Variants in OSBPL10 observed in about 807,000 individuals in gnomAD.
OSBPL10 encodes oxysterol-binding protein-related protein 10.
OSBPL10 carries 49 observed loss-of-function variants against 81.7 expected under a neutral mutation model. The observed-to-expected ratio is 0.60, with a 90% confidence interval of 0.48 to 0.76. The LOEUF is 0.76. Among genes scored for constraint, OSBPL10 ranks in the 30% least tolerant of loss-of-function variants. OSBPL10 has a pLI of 0.00. For missense variants in OSBPL10, 923 were observed against 987.8 expected, an observed-to-expected ratio of 0.93 and a Z score of 0.88; for synonymous variants, 419 against 383.6, an observed-to-expected ratio of 1.09 and a Z score of -1.08.
rs1428964193 is a variant in OSBPL10 at position 31,912,613 on chromosome 3, A to C, written c.282-32783T>G. Among the ~76,000 whole-genome samples the C allele has an allele frequency of 3.3e-5, 5 of 152,148 alleles. No individual in the cohort carries two copies. In the East Asian group the frequency reaches 9.6e-4, roughly 29 times the overall value. ...ACTTCATCATCAACATTTCCTCTTG[A>C]AGCCTTGAAGTATTTTGAGCATGTC... On this transcript the variant is annotated intron_variant, in intron 1 of 11. Transcript: ENST00000396556.
chr3:31,846,985 T>C (rs915626697), intron 3 of OSBPL10, among the ~76,000 whole-genome samples: 7 of 152,164 alleles, frequency 4.6e-5, no homozygotes, highest in Non-Finnish European at 7.3e-5. Context: ...TTTGTGTGTC[T>C]TCAATTGTCA....
chr3:32,043,289 G>A (rs1007383805), intron 2 of OSBPL10, among the ~76,000 whole-genome samples: 2 of 152,164 alleles, frequency 1.3e-5, no homozygotes, highest in African/African-American at 2.4e-5. Context: ...AAATATGGCT[G>A]TATTTTGCCC....
intron 4 of OSBPL10, among the ~76,000 whole-genome samples, chr3:31,774,927 G>A (rs939545912): frequency 6.6e-6 from 1 of 151,702 alleles, no homozygotes; most frequent in African/African-American, 2.4e-5. Flanking sequence ...AGCACTTTGG[G>A]AGGCTGAGGT....
chr3:31,789,783 T>C (rs1163244246), intron 4 of OSBPL10, among the ~76,000 whole-genome samples: 1 of 152,164 alleles, frequency 6.6e-6, no homozygotes, highest in Non-Finnish European at 1.5e-5. Context: ...TTCTTTCCTC[T>C]CTCCTTGGGG....
intron 4 of OSBPL10, among the ~76,000 whole-genome samples, chr3:31,757,704 A>G (rs1038222519): frequency 1.3e-5 from 2 of 152,240 alleles, no homozygotes; most frequent in African/African-American, 4.8e-5. Flanking sequence ...CTTTAGAACA[A>G]AAGTTCCTTC....
chr3:31,888,909 G>C (rs1038880832), intron 1 of OSBPL10, among the ~76,000 whole-genome samples: 9 of 152,108 alleles, frequency 5.9e-5, no homozygotes, highest in African/African-American at 2.2e-4. Flanking sequence ...GGGTGACAGA[G>C]TGAGACTCCA....
At chr3:31,769,716 C>A (rs1698320207) in intron 4 of OSBPL10, among the ~76,000 whole-genome samples, 1 of 151,926 alleles carries the variant, frequency 6.6e-6, no homozygotes, top group African/African-American at 2.4e-5. Flanking sequence ...TATAGGCTGT[C>A]AGTTCCCAAC....
chr3:32,054,520 T>C (rs201835534), intron 1 of OSBPL10, among the ~76,000 whole-genome samples: 2,173 of 132,310 alleles, frequency 0.016, 57 homozygotes, highest in East Asian at 0.093. Context: ...TCCTGGTCAA[T>C]GGTGGCTTTT....
intron 4 of OSBPL10, among the ~76,000 whole-genome samples, chr3:31,808,527 C>T (rs1175126738): frequency 2.6e-5 from 4 of 152,100 alleles, no homozygotes; most frequent in East Asian, 1.9e-4. Flanking sequence ...ACTGAGAGGG[C>T]AAATCAATCA....
At chr3:31,784,832 C>T (rs1485868908) in intron 4 of OSBPL10, among the ~76,000 whole-genome samples, 2 of 127,152 alleles carry the variant, frequency 1.6e-5, no homozygotes, top group Non-Finnish European at 1.6e-5. Flanking sequence ...ATTCGCCCAT[C>T]TTGGCCTCCC....
intron 4 of OSBPL10, among the ~76,000 whole-genome samples, chr3:31,812,155 C>G (rs1169996010): frequency 6.6e-6 from 1 of 152,184 alleles, no homozygotes; most frequent in East Asian, 1.9e-4. Flanking sequence ...CCTCAGCCTC[C>G]TGAATAGCTG....
chr3:31,784,425 G>GGAAGGAAAT (rs1698807099), intron 4 of OSBPL10, among the ~76,000 whole-genome samples: 1 of 150,016 alleles, frequency 6.7e-6, no homozygotes, highest in African/African-American at 2.5e-5. Flanking sequence ...AGGAAGGAAA[G>GGAAGGAAAT]AAAGAAAAAA....
In OSBPL10 at chr3:31,975,060, T is replaced by C. The variant is rs75546798; in HGVS notation, c.281+5839A>G. ...CCATTTTGGTGTGAATCTCCTCAAA[T>C]ATACACACACTTTCAAAGGAGGGGG... On this transcript the variant is annotated intron_variant, in intron 1 of 11. Coordinates refer to ENST00000396556, the MANE Select transcript of OSBPL10 (RefSeq NM_017784.5). Among the ~76,000 whole-genome samples, 1,430 of 152,228 alleles carry C rather than the reference T, an allele frequency of 9.4e-3. 60 individuals carry two copies. In the East Asian group the frequency reaches 0.15, roughly 16 times the overall value.
chr3:32,031,423 A>G (rs1699466498), intron 2 of OSBPL10, among the ~76,000 whole-genome samples: 2 of 151,586 alleles, frequency 1.3e-5, no homozygotes, highest in South Asian at 4.2e-4. Flanking sequence ...ATATTTTTAG[A>G]TTCTCTTCAG....
rs142447307 is a variant in OSBPL10 at position 32,043,763 on chromosome 3, C to A, written n.298+2728G>T. On this transcript the variant is annotated intron_variant and non_coding_transcript_variant, in intron 2 of 3. Coordinates refer to the OSBPL10 transcript ENST00000479173. Reference sequence around the variant, plus strand: ...AAGAATGAAATCATGTTCTTTGCAGCAGCATGGATGCAGCTGGAGGCCATT... The same window carrying A: ...AAGAATGAAATCATGTTCTTTGCAGAAGCATGGATGCAGCTGGAGGCCATT... Among the ~76,000 whole-genome samples the A allele has an allele frequency of 1.1e-3, 164 of 152,314 alleles. 1 individual carries two copies. The highest frequency in any genetic ancestry group is 3.8e-3 in the African/African-American group (159 of 41,572).
intron 3 of OSBPL10, among the ~76,000 whole-genome samples, chr3:31,843,022 A>T (rs888295238): frequency 3.3e-5 from 5 of 152,242 alleles, no homozygotes; most frequent in African/African-American, 1.2e-4. Flanking sequence ...TGCTGGACAC[A>T]TTGTGTGTCC....
intron 1 of OSBPL10, among the ~76,000 whole-genome samples, 169 bp downstream of exon 1, chr3:31,980,730 C>A (rs775996842): frequency 6.6e-6 from 1 of 152,220 alleles, no homozygotes; most frequent in Non-Finnish European, 1.5e-5. Flanking sequence ...AGAACCCCAC[C>A]TGGAGGGGAG....
At chr3:31,963,818 C>G (rs904718784) in intron 1 of OSBPL10, among the ~76,000 whole-genome samples, 3 of 151,744 alleles carry the variant, frequency 2.0e-5, no homozygotes, top group Non-Finnish European at 4.4e-5. Context: ...AGCAGCATCA[C>G]CTTCCACACC....
chr3:31,718,594 A>G (rs1242223149), intron 6 of OSBPL10, among the ~76,000 whole-genome samples: 1 of 152,222 alleles, frequency 6.6e-6, no homozygotes, highest in Non-Finnish European at 1.5e-5. Flanking sequence ...CGCATCCTTC[A>G]TATGAGTTTC....
Sources: allele counts gnomAD v4.1 joint callset (sites outside exome capture counted in the v4.1 genomes callset), GRCh38; gene constraint gnomAD v4.1.1; transcripts MANE v1.5; gene names NCBI Gene and HGNC (gene_info 2026-07-23, HGNC 2026-07-21).